The following UNC5C variants were observed in gnomAD, a reference collection of about 807,000 sequenced individuals.
UNC5C encodes netrin receptor UNC5C.
UNC5C carries 47 observed loss-of-function variants against 99.8 expected under a neutral mutation model. That is an observed-to-expected ratio of 0.47 (90% CI 0.37 to 0.60). UNC5C has a LOEUF of 0.60. Among genes scored for constraint, UNC5C ranks in the 20% least tolerant of loss-of-function variants. The pLI, the probability that UNC5C is intolerant of heterozygous loss-of-function variation, is 0.00. For synonymous variants in UNC5C, 487 were observed against 452.2 expected, an observed-to-expected ratio of 1.08 and a Z score of -0.98; for missense variants, 1,062 against 1,165.9, an observed-to-expected ratio of 0.91 and a Z score of 1.30.
At chr4:95,173,520 T>A (rs1280218806) in intron 14 of UNC5C, among the ~76,000 whole-genome samples, 4 of 149,168 alleles carry the variant, frequency 2.7e-5, no homozygotes, top group African/African-American at 7.4e-5. Flanking sequence ...TGTCTTTGGT[T>A]CTGTTTATAT....
chr4:95,350,416 G>C (rs536695753), intron 1 of UNC5C, among the ~76,000 whole-genome samples: 6 of 152,004 alleles, frequency 3.9e-5, no homozygotes, highest in Admixed American at 2.0e-4. Flanking sequence ...GAACCCTTGA[G>C]GGGGAGGTTG....
chr4:95,537,528 T>C (rs1313234784), intron 1 of UNC5C, among the ~76,000 whole-genome samples: 2 of 152,222 alleles, frequency 1.3e-5, no homozygotes, highest in African/African-American at 2.4e-5. Context: ...TCCTAGAGAA[T>C]ATGTTAGGAC....
At chr4:95,186,542 G>A (rs191677098) in intron 12 of UNC5C, among the ~76,000 whole-genome samples, 243 of 152,300 alleles carry the variant, frequency 1.6e-3, no homozygotes, top group African/African-American at 5.6e-3. Flanking sequence ...AAGATGCTGC[G>A]TTAGTGGTTC....
At chr4:95,258,355 TC>T (rs1299406684) in intron 4 of UNC5C, among the ~76,000 whole-genome samples, 1 of 152,186 alleles carries the variant, frequency 6.6e-6, no homozygotes. Flanking sequence ...TTTTCTCTAC[TC>T]CTTCCATTGA....
chr4:95,470,024 C>A (rs1028817182), intron 1 of UNC5C, among the ~76,000 whole-genome samples: 2 of 151,974 alleles, frequency 1.3e-5, no homozygotes, highest in Non-Finnish European at 1.5e-5. Flanking sequence ...TCTTTATGTT[C>A]GTTTACATTT....
rs114606490 is a variant in UNC5C, at chr4:95,250,765, G to A, written c.595-98C>T. On this transcript the variant is annotated intron_variant, in intron 4 of 15. Coordinates refer to ENST00000453304, the MANE Select transcript of UNC5C (RefSeq NM_003728.4). ...TTTGTACACTTGATCTTAGCCAAAA[G>A]GCCGAGAAGCGATACCTGTGTTTTG... is the stretch of plus-strand genomic sequence containing the variant. 1.6e-3 allele frequency: 2,002 copies of A among 1,234,260 alleles called. 27 individuals are homozygous for A. In the African/African-American group the frequency reaches 0.027, roughly 17 times the overall value. 76.5% of individuals were successfully genotyped at this position (1,234,260 alleles called of 1,614,324 possible).
At chr4:95,314,636 A>T (rs17023485) in intron 2 of UNC5C, among the ~76,000 whole-genome samples, 1 of 152,170 alleles carries the variant, frequency 6.6e-6, no homozygotes, top group African/African-American at 2.4e-5. Flanking sequence ...TATAAAATTC[A>T]TGAGTATAAT....
chr4:95,170,024 A>G (rs1257580949), intron 15 of UNC5C, 130 bp downstream of exon 15: 2 of 1,203,548 alleles, frequency 1.7e-6, no homozygotes, highest in Non-Finnish European at 2.3e-6. Flanking sequence ...CTTAATGCAT[A>G]TTTGCAAAAT....
intron 1 of UNC5C, among the ~76,000 whole-genome samples, chr4:95,455,702 C>T (rs1472124523): frequency 6.6e-6 from 1 of 152,016 alleles, no homozygotes; most frequent in East Asian, 1.9e-4. Flanking sequence ...ACCTTTATTA[C>T]TTATTTTTCC....
At chr4:95,271,895 T>C (rs951120592) in intron 4 of UNC5C, among the ~76,000 whole-genome samples, 2 of 152,218 alleles carry the variant, frequency 1.3e-5, no homozygotes, top group Admixed American at 1.3e-4. Context: ...CCTTGCTCAC[T>C]GGGTCTCAGA....
At chr4:95,170,445 G>A in intron 14 of UNC5C, 113 bp from the exon 15 acceptor site, 1 of 1,261,192 alleles carries the variant, frequency 7.9e-7, no homozygotes. Context: ...AATGAATGCT[G>A]TTATTCTTCT....
chr4:95,433,878 T>C (rs1746701703), intron 1 of UNC5C, among the ~76,000 whole-genome samples: 1 of 151,958 alleles, frequency 6.6e-6, no homozygotes, highest in Admixed American at 6.6e-5. Context: ...CCTTCTCTCT[T>C]TTTCTCACAC....
intron 1 of UNC5C, among the ~76,000 whole-genome samples, chr4:95,448,227 T>TGTGTGAGAGAGAGAGAGA (rs1339694230): frequency 2.0e-5 from 2 of 100,086 alleles, no homozygotes; most frequent in African/African-American, 8.1e-5. Context: ...TGTGTGTGTG[T>TGTGTGAGAGAGAGAGAGA]GAGAGAGAGA....
intron 12 of UNC5C, among the ~76,000 whole-genome samples, chr4:95,189,497 A>C (rs1736977662): frequency 6.6e-6 from 1 of 152,170 alleles, no homozygotes. Context: ...AATGGGATCT[A>C]ATTAAACTAA....
chr4:95,440,552 T>C (rs907082598), intron 1 of UNC5C, among the ~76,000 whole-genome samples: 6 of 152,192 alleles, frequency 3.9e-5, no homozygotes, highest in African/African-American at 1.4e-4. Flanking sequence ...TACTTACTTC[T>C]TTCCACTCAA....
chr4:95,204,657 T>G (rs1287904198), intron 11 of UNC5C, among the ~76,000 whole-genome samples: 1 of 152,268 alleles, frequency 6.6e-6, no homozygotes, highest in Non-Finnish European at 1.5e-5. Flanking sequence ...GTCTCTGCAC[T>G]GTCAGAGACA....
intron 1 of UNC5C, among the ~76,000 whole-genome samples, chr4:95,338,198 G>C (rs761432337): frequency 2.0e-5 from 3 of 151,934 alleles, no homozygotes; most frequent in Admixed American, 6.6e-5. Flanking sequence ...CATCGAAGTT[G>C]GTCCCACCAT....
At position 95,451,629 on chromosome 4, in the gene UNC5C, T is replaced by C. The variant is rs992317928; in HGVS notation, c.124+97105A>G. On this transcript the variant is annotated intron_variant, in intron 1 of 15. Coordinates refer to ENST00000453304, the MANE Select transcript of UNC5C (RefSeq NM_003728.4). ...CTTTTATTAGTAAGAAAGAATATTG[T>C]CTTACTACTTTTGTTTTGTCTGAGA... 9.2e-5 allele frequency among the ~76,000 whole-genome samples: 14 copies of C among 152,306 alleles called. 1 individual carries two copies. The highest frequency in any genetic ancestry group is 9.2e-4 in the Admixed American group (14 of 15,292).
intron 1 of UNC5C, among the ~76,000 whole-genome samples, chr4:95,361,136 A>G (rs1744377633): frequency 6.6e-6 from 1 of 152,308 alleles, no homozygotes; most frequent in East Asian, 1.9e-4. Flanking sequence ...CACGGATCAC[A>G]TGTCTTTCGG....
Sources: gnomAD v4.1 joint callset for allele counts (sites outside exome capture counted in the v4.1 genomes callset) on GRCh38, gnomAD v4.1.1 for gene constraint, MANE v1.5 for transcripts, NCBI Gene and HGNC (gene_info 2026-07-23, HGNC 2026-07-21) for gene names.